DENND1B: variants seen among roughly 807,000 people sequenced by gnomAD.
DENND1B encodes the protein DENN domain containing 1B, also known as DENN domain-containing protein 1B.
DENND1B carries 59 observed loss-of-function variants against 90.1 expected under a neutral mutation model. The ratio of observed to expected loss-of-function variants is 0.65; its 90% CI spans 0.53 to 0.81. The LOEUF is 0.81. DENND1B is among the 40% of genes least tolerant of loss of function. The pLI, the probability that DENND1B is intolerant of heterozygous loss-of-function variation, is 0.00. For missense variants in DENND1B, 862 were observed against 912.6 expected, an observed-to-expected ratio of 0.94 and a Z score of 0.71; for synonymous variants, 337 against 324.6, an observed-to-expected ratio of 1.04 and a Z score of -0.41.
intron 15 of DENND1B, among the ~76,000 whole-genome samples, chr1:197,563,055 G>T (rs1414498733): frequency 5.9e-5 from 9 of 152,088 alleles, no homozygotes; most frequent in Non-Finnish European, 1.3e-4. Flanking sequence ...GAAGGTAGGA[G>T]ACATTGGTTC....
intron 14 of DENND1B, 63 bp from the exon 15 acceptor site, chr1:197,583,316 T>C: frequency 6.9e-7 from 1 of 1,458,860 alleles, no homozygotes; most frequent in Non-Finnish European, 9.6e-7. Flanking sequence ...ACTAGTCTCT[T>C]TAAATAGGTA....
chr1:197,627,160 C>A (rs914637088), intron 10 of DENND1B, among the ~76,000 whole-genome samples: 1 of 152,088 alleles, frequency 6.6e-6, no homozygotes, highest in African/African-American at 2.4e-5. Context: ...AAGAGGGAAT[C>A]CTCCCTAACT....
intron 1 of DENND1B, chr1:197,774,727 T>C (rs1422731334): frequency 6.3e-6 from 1 of 157,770 alleles, no homozygotes; most frequent in Non-Finnish European, 1.4e-5. Context: ...TAATAACCTC[T>C]TAACCTCAAC....
chr1:197,770,697 T>C (rs1348546432), intron 2 of DENND1B, among the ~76,000 whole-genome samples: 1 of 143,368 alleles, frequency 7.0e-6, no homozygotes, highest in African/African-American at 2.5e-5. Flanking sequence ...TATAAATATA[T>C]ATCTATAAAT....
chr1:197,571,930 T>C (rs1195303964), intron 15 of DENND1B, among the ~76,000 whole-genome samples: 3 of 152,068 alleles, frequency 2.0e-5, no homozygotes, highest in African/African-American at 7.2e-5. Context: ...TGAATAAAAA[T>C]CTAAAGGAGG....
At chr1:197,601,387 GT>G (rs1238354623) in intron 13 of DENND1B, among the ~76,000 whole-genome samples, 2 of 151,628 alleles carry the variant, frequency 1.3e-5, no homozygotes, top group African/African-American at 4.8e-5. Flanking sequence ...TATCGGCAAG[GT>G]TTGGGAACTG....
intron 15 of DENND1B, among the ~76,000 whole-genome samples, chr1:197,569,935 C>T (rs116018445): frequency 0.018 from 2,681 of 151,938 alleles, 74 homozygotes; most frequent in African/African-American, 0.06. Context: ...TAAACGTTCT[C>T]GCCACAAAAA....
chr1:197,545,022 A>AATAAGGAGG (rs1670687251), intron 18 of DENND1B, among the ~76,000 whole-genome samples: 1 of 138,074 alleles, frequency 7.2e-6, no homozygotes, highest in Non-Finnish European at 1.6e-5. Context: ...ACGACGACGA[A>AATAAGGAGG]AGAAGGAGGA....
intron 15 of DENND1B, among the ~76,000 whole-genome samples, chr1:197,574,673 G>A (rs371658801): frequency 1.6e-4 from 24 of 152,160 alleles, no homozygotes; most frequent in East Asian, 7.7e-4. Flanking sequence ...GAGGCATCAC[G>A]CTACCTAACT....
At chr1:197,677,888 G>T (rs755283913) in intron 3 of DENND1B, among the ~76,000 whole-genome samples, 2 of 152,108 alleles carry the variant, frequency 1.3e-5, no homozygotes, top group Non-Finnish European at 2.9e-5. Flanking sequence ...GGCTAAATTC[G>T]TTGGCTTTTT....
At chr1:197,511,445 G>A (rs76089695) in intron 22 of DENND1B, among the ~76,000 whole-genome samples, 13 of 151,778 alleles carry the variant, frequency 8.6e-5, no homozygotes, top group Admixed American at 8.5e-4. Flanking sequence ...AAATTCCCCA[G>A]AGACAAGTAT....
At chr1:197,647,334 C>T (rs1680810480) in intron 7 of DENND1B, among the ~76,000 whole-genome samples, 1 of 152,000 alleles carries the variant, frequency 6.6e-6, no homozygotes, top group Non-Finnish European at 1.5e-5. Flanking sequence ...GTAGAGAATG[C>T]TGTGGATATT....
In DENND1B at chr1:197,652,584, A is replaced by T. The variant is rs577662720; in HGVS notation, c.367-269T>A. ...TTGAAAAACTTAATTATTATAAAAT[A>T]TACTAATGCTATAAAAGTAAATTAT... On this transcript the variant is annotated intron_variant, in intron 6 of 22. Coordinates refer to ENST00000620048, the MANE Select transcript of DENND1B (RefSeq NM_001195215.2). 4.6e-4 allele frequency among the ~76,000 whole-genome samples: 70 copies of T among 152,250 alleles called. No homozygotes were observed. The South Asian group carries it at 0.012, about 25-fold the overall frequency.
At chr1:197,535,751 T>C (rs1282267606) in intron 20 of DENND1B, among the ~76,000 whole-genome samples, 2 of 152,170 alleles carry the variant, frequency 1.3e-5, no homozygotes, top group African/African-American at 4.8e-5. Context: ...CTTGGTAACA[T>C]GGTACTCTCC....
the DENND1B span, among the ~76,000 whole-genome samples, chr1:197,781,285 T>G: frequency 4.6e-5 from 7 of 152,212 alleles, no homozygotes; most frequent in African/African-American, 1.7e-4. Flanking sequence ...TCTCATGAGT[T>G]GTAGCTAACA....
At chr1:197,600,078 G>T in intron 13 of DENND1B, among the ~76,000 whole-genome samples, 1 of 151,412 alleles carries the variant, frequency 6.6e-6, no homozygotes, top group East Asian at 1.9e-4. Context: ...CTCCCATCTG[G>T]CTTACTCATA....
chr1:197,736,907 T>C (rs1327643522), intron 2 of DENND1B, among the ~76,000 whole-genome samples: 3 of 152,236 alleles, frequency 2.0e-5, no homozygotes, highest in African/African-American at 7.2e-5. Context: ...CAAGCATCTA[T>C]TCTTTTGAAT....
At chr1:197,636,108 T>C (rs1189083247) in intron 10 of DENND1B, among the ~76,000 whole-genome samples, 1 of 152,144 alleles carries the variant, frequency 6.6e-6, no homozygotes, top group Non-Finnish European at 1.5e-5. Flanking sequence ...TTACCAGACT[T>C]AGCAGTTTAT....
At chr1:197,552,539 A>T in intron 16 of DENND1B, 1 of 985,646 alleles carries the variant, frequency 1.0e-6, no homozygotes, top group South Asian at 4.7e-5. Context: ...AGTGATCTAT[A>T]AAGTCAAAAA....
Sources: allele counts gnomAD v4.1 joint callset (sites outside exome capture counted in the v4.1 genomes callset), GRCh38; gene constraint gnomAD v4.1.1; transcripts MANE v1.5; gene names NCBI Gene and HGNC (gene_info 2026-07-23, HGNC 2026-07-21).